The following GRID2 variants were observed in gnomAD, a reference collection of about 807,000 sequenced individuals.
The protein encoded by GRID2 is glutamate receptor ionotropic, delta-2.
GRID2 carries 33 observed loss-of-function variants against 114.8 expected under a neutral mutation model. The ratio of observed to expected loss-of-function variants is 0.29; its 90% confidence interval spans 0.22 to 0.38. GRID2 has a LOEUF of 0.38. Among genes scored for constraint, GRID2 ranks in the 10% least tolerant of loss-of-function variants. The pLI, the probability that GRID2 is intolerant of heterozygous loss-of-function variation, is 1.00. For missense variants in GRID2, 1,184 were observed against 1,257.7 expected (o/e 0.94, Z 0.89); for synonymous variants, 505 against 449.9 (o/e 1.12, Z -1.55).
intron 2 of GRID2, among the ~76,000 whole-genome samples, chr4:93,083,467 G>T (rs1730055291): frequency 6.6e-6 from 1 of 151,976 alleles, no homozygotes; most frequent in Non-Finnish European, 1.5e-5. Context: ...GCCGAGGCAG[G>T]TGGATCACAA....
At chr4:93,538,802 A>T (rs1383407652) in intron 13 of GRID2, among the ~76,000 whole-genome samples, 1 of 151,958 alleles carries the variant, frequency 6.6e-6, no homozygotes, top group South Asian at 2.1e-4. Flanking sequence ...AGATAGAGAA[A>T]CTGTCACAGT....
chr4:92,791,639 G>T (rs924972600), intron 2 of GRID2, among the ~76,000 whole-genome samples: 11 of 151,846 alleles, frequency 7.2e-5, no homozygotes, highest in African/African-American at 2.4e-4. Flanking sequence ...AATAAGGAAA[G>T]TTAATATTAA....
intron 1 of GRID2, among the ~76,000 whole-genome samples, chr4:92,394,862 G>A (rs1034726919): frequency 1.3e-5 from 2 of 151,382 alleles, no homozygotes; most frequent in Non-Finnish European, 3.0e-5. Context: ...CTAAAATTTA[G>A]TTTCCTCTTA....
chr4:92,377,720 C>G (rs189959533), intron 1 of GRID2, among the ~76,000 whole-genome samples: 1 of 152,060 alleles, frequency 6.6e-6, no homozygotes, highest in Non-Finnish European at 1.5e-5. Context: ...AGGAGCAAGT[C>G]GTGTCATGTC....
intron 1 of GRID2, among the ~76,000 whole-genome samples, chr4:92,475,142 AAT>A (rs1722239740): frequency 6.7e-6 from 1 of 148,414 alleles, no homozygotes; most frequent in Non-Finnish European, 1.5e-5. Context: ...TAATAATAAT[AAT>A]AATAATAATA....
At chr4:92,491,742 A>G (rs1432571419) in intron 1 of GRID2, among the ~76,000 whole-genome samples, 1 of 152,044 alleles carries the variant, frequency 6.6e-6, no homozygotes, top group African/African-American at 2.4e-5. Flanking sequence ...CATTTTCAAT[A>G]TTCTATGATT....
At chr4:92,867,422 G>A (rs912204491) in intron 2 of GRID2, among the ~76,000 whole-genome samples, 4 of 151,694 alleles carry the variant, frequency 2.6e-5, no homozygotes, top group Non-Finnish European at 5.9e-5. Flanking sequence ...ATCTAATGGC[G>A]ATACCACAAT....
chr4:93,221,841 C>T (rs559337261), intron 6 of GRID2, among the ~76,000 whole-genome samples: 25 of 152,234 alleles, frequency 1.6e-4, no homozygotes, highest in African/African-American at 5.8e-4. Flanking sequence ...AATGAGGAGA[C>T]GTAGTCATTT....
intron 7 of GRID2, among the ~76,000 whole-genome samples, chr4:93,233,374 G>A (rs1015369061): frequency 2.0e-5 from 3 of 149,354 alleles, no homozygotes; most frequent in Non-Finnish European, 3.0e-5. Flanking sequence ...ATGGAGTCTC[G>A]CTGTGTCATT....
chr4:92,526,157 G>A (rs1725032452), intron 1 of GRID2, among the ~76,000 whole-genome samples: 1 of 151,738 alleles, frequency 6.6e-6, no homozygotes, highest in African/African-American at 2.4e-5. Context: ...AAAGATGGAA[G>A]GATGGAAGGA....
intron 2 of GRID2, among the ~76,000 whole-genome samples, chr4:93,060,367 C>T (rs1727668253): frequency 6.6e-6 from 1 of 152,138 alleles, no homozygotes; most frequent in Non-Finnish European, 1.5e-5. Flanking sequence ...AGGTTTCTGA[C>T]TGCCTGCTAT....
rs572654998 is a variant in GRID2 at position 93,627,095 on chromosome 4, C to T, written c.2360+660C>T. The stretch of plus-strand genomic sequence containing the variant: ...CAATGCATATGAAAGACTTGGGCCT[C>T]AAAGGAGTGCACAAAGATTACTGCA... On this transcript the variant is annotated intron_variant, in intron 14 of 15. Transcript: ENST00000282020. Among the ~76,000 whole-genome samples the T allele has an allele frequency of 3.0e-4, 45 of 152,258 alleles. No individual in the cohort carries two copies. The South Asian group carries it at 8.7e-3, about 29-fold the overall frequency.
At chr4:92,916,822 C>CTG (rs1022419876) in intron 2 of GRID2, among the ~76,000 whole-genome samples, 1 of 151,750 alleles carries the variant, frequency 6.6e-6, no homozygotes, top group Non-Finnish European at 1.5e-5. Context: ...ATAAACATAG[C>CTG]TGTGTGTGTG....
chr4:93,375,192 A>T (rs1763259201), intron 8 of GRID2, among the ~76,000 whole-genome samples: 1 of 147,950 alleles, frequency 6.8e-6, no homozygotes, highest in Non-Finnish European at 1.5e-5. Flanking sequence ...TTTACCCTCC[A>T]TGGGAGTTTT....
chr4:93,232,769 T>G (rs1230227779), intron 7 of GRID2, among the ~76,000 whole-genome samples: 1 of 151,932 alleles, frequency 6.6e-6, no homozygotes. Flanking sequence ...TCTCATAGAG[T>G]TATCTTGATA....
At chr4:93,259,291 T>A (rs542365123) in intron 8 of GRID2, among the ~76,000 whole-genome samples, 1 of 151,954 alleles carries the variant, frequency 6.6e-6, no homozygotes, top group South Asian at 2.1e-4. Context: ...TATCATTTAA[T>A]GGTATTGCTG....
At chr4:92,900,473 C>T (rs1747485539) in intron 2 of GRID2, among the ~76,000 whole-genome samples, 1 of 152,154 alleles carries the variant, frequency 6.6e-6, no homozygotes, top group Non-Finnish European at 1.5e-5. Flanking sequence ...AATGATTTAG[C>T]TTCCTCTTAT....
At chr4:92,713,382 CT>C (rs944942773) in intron 2 of GRID2, among the ~76,000 whole-genome samples, 4 of 148,724 alleles carry the variant, frequency 2.7e-5, no homozygotes, top group Non-Finnish European at 4.4e-5. Context: ...CTTTTTTAGA[CT>C]TGTTCTCTCT....
At chr4:93,566,578 T>C (rs980002682) in intron 13 of GRID2, among the ~76,000 whole-genome samples, 2 of 152,070 alleles carry the variant, frequency 1.3e-5, no homozygotes, top group Non-Finnish European at 2.9e-5. Context: ...GAGACCAGCC[T>C]GGGCAAAATG....
Sources: allele counts gnomAD v4.1 joint callset (sites outside exome capture counted in the v4.1 genomes callset), GRCh38; gene constraint gnomAD v4.1.1; transcripts MANE v1.5; gene names NCBI Gene and HGNC (gene_info 2026-07-23, HGNC 2026-07-21).